The following PDSS1 variants were observed in gnomAD, a reference collection of about 807,000 sequenced individuals.
PDSS1 encodes decaprenyl diphosphate synthase subunit 1.
PDSS1 carries 43 observed loss-of-function variants against 57.5 expected under a neutral mutation model. The observed-to-expected ratio is 0.75, with a 90% CI of 0.59 to 0.96. The LOEUF (loss-of-function observed/expected upper bound fraction) is 0.96. PDSS1 is among the 50% of genes least tolerant of loss of function. The pLI is 0.00. For synonymous variants in PDSS1, 175 were observed against 191.3 expected, an observed-to-expected ratio of 0.91 and a Z score of 0.70; for missense variants, 438 against 527.8, an observed-to-expected ratio of 0.83 and a Z score of 1.67.
chr10:26,724,064 C>T lies in PDSS1; in HGVS notation c.772C>T (p.His258Tyr). ...AGAAAATGAGAATGAAAGATTTGCA[C>T]ACTACCTTGAGAAGACATTCAAGAA... The part of the protein sequence containing the change: ...SKENENERFA[H>Y]YLEKTFKKTA... The change falls in exon 8 of 12, where the codon CAC becomes TAC. Residue 258 changes from histidine to tyrosine, a missense_variant. Around this residue, in one of 2 missense-constraint regions of PDSS1, gnomAD observed 284 missense variants for 390.7 expected, o/e 0.73. Transcript: ENST00000376215. The T allele has an allele frequency of 6.2e-7, 1 of 1,614,082 alleles. No individual in the cohort carries two copies. Among genetic ancestry groups the T allele is most frequent in the East Asian group, 2.2e-5 (1 of 44,870 alleles).
chr10:26,735,491 C>T lies in PDSS1; in HGVS notation c.938C>T (p.Thr313Ile). ...FQLIDDVLDFTSCSDQMGKPT... is the reference protein window; with the variant it reads ...FQLIDDVLDFISCSDQMGKPT... ...CTAATAGATGATGTATTGGACTTCA[C>T]CTCGTGTTCTGACCAGATGGGCAAA... Residue 313 changes from threonine to isoleucine, a missense_variant, in exon 10 of 12, where the codon ACC (threonine) becomes ATC (isoleucine). Physicochemically the swap from Thr to Ile is moderately conservative, Grantham distance 89 (BLOSUM62 -1). Coordinates refer to ENST00000376215, the MANE Select transcript of PDSS1 (RefSeq NM_014317.5). The T allele has an allele frequency of 1.9e-6, 3 of 1,612,956 alleles. No individual in the cohort carries two copies. Among genetic ancestry groups the T allele is most frequent in the Non-Finnish European group, 2.5e-6 (3 of 1,178,922 alleles).
chr10:26,705,197 G>T, intron 3 of PDSS1, 89 bp from the exon 4 acceptor site: 4 of 749,072 alleles, frequency 5.3e-6, no homozygotes, highest in South Asian at 3.0e-5. Flanking sequence ...AAATATTTGG[G>T]CTGAATTTTC....
chr10:26,726,507 G>T (rs961050526), intron 8 of PDSS1, among the ~76,000 whole-genome samples: 15 of 152,180 alleles, frequency 9.9e-5, no homozygotes, highest in African/African-American at 3.6e-4. Flanking sequence ...GCAAAGCCAT[G>T]CGAGCTCCAA....
intron 11 of PDSS1, among the ~76,000 whole-genome samples, chr10:26,745,960 CTTTATTT>C (rs1342864809): frequency 2.0e-5 from 3 of 151,414 alleles, no homozygotes; most frequent in Non-Finnish European, 2.9e-5. Flanking sequence ...TGTCTTTATT[CTTTATTT>C]TTTAAGTAAG....
At chr10:26,741,555 A>G (rs905333304) in intron 10 of PDSS1, among the ~76,000 whole-genome samples, 1 of 152,180 alleles carries the variant, frequency 6.6e-6, no homozygotes, top group African/African-American at 2.4e-5. Flanking sequence ...AGTCAATGTC[A>G]TGCACCGCTG....
At chr10:26,707,124 C>T (rs1482243724) in intron 4 of PDSS1, among the ~76,000 whole-genome samples, 1 of 152,134 alleles carries the variant, frequency 6.6e-6, no homozygotes, top group Non-Finnish European at 1.5e-5. Context: ...CGCAGTGGCC[C>T]GCCAGTGTTG....
At chr10:26,719,743 G>T (rs973262875) in intron 5 of PDSS1, among the ~76,000 whole-genome samples, 1 of 152,160 alleles carries the variant, frequency 6.6e-6, no homozygotes, top group Non-Finnish European at 1.5e-5. Flanking sequence ...TCCAGCCTGG[G>T]TGACAGAGCG....
At chr10:26,706,683 C>T (rs1588671877) in intron 4 of PDSS1, among the ~76,000 whole-genome samples, 1 of 152,324 alleles carries the variant, frequency 6.6e-6, no homozygotes, top group African/African-American at 2.4e-5. Flanking sequence ...TGCCCTCTGC[C>T]TTCCTCCAGT....
intron 10 of PDSS1, chr10:26,740,562 C>G (rs1053464068): frequency 4.2e-5 from 19 of 448,688 alleles, no homozygotes; most frequent in Admixed American, 3.6e-4. Context: ...TTGGCTGCGG[C>G]TTTTCTATGT....
intron 1 of PDSS1, among the ~76,000 whole-genome samples, chr10:26,700,397 A>C (rs1835011081): frequency 6.6e-6 from 1 of 152,066 alleles, no homozygotes; most frequent in African/African-American, 2.4e-5. Context: ...TTAGCTCAGG[A>C]GTTCGAGACC....
intron 2 of PDSS1, among the ~76,000 whole-genome samples, chr10:26,703,678 A>G (rs1835114486): frequency 6.6e-6 from 1 of 152,224 alleles, no homozygotes; most frequent in Non-Finnish European, 1.5e-5. Flanking sequence ...ATTGCCTGGG[A>G]TATCATGAAA....
Position 26,721,423 on chromosome 10 carries a change from T to TACACACACACACAC in PDSS1, c.609+1078_609+1091dup, listed in dbSNP as rs1554795596. 6.1e-3 allele frequency among the ~76,000 whole-genome samples: 908 copies of TACACACACACACAC among 149,348 alleles called. 7 individuals carry two copies. Among genetic ancestry groups the TACACACACACACAC allele is most frequent in the African/African-American group, 0.016 (660 of 40,744 alleles). On this transcript the variant is annotated intron_variant, in intron 6 of 11. Coordinates refer to ENST00000376215, the MANE Select transcript of PDSS1 (RefSeq NM_014317.5). ...CTTATTAAAAGAAGAGATATATGTA[T>TACACACACACACAC]ACACACACACACACACACACACACA...
At chr10:26,713,881 T>G (rs1270742292) in intron 5 of PDSS1, among the ~76,000 whole-genome samples, 1 of 152,032 alleles carries the variant, frequency 6.6e-6, no homozygotes, top group South Asian at 2.1e-4. Context: ...CAAAGAGTCC[T>G]CTCACCTTAG....
intron 5 of PDSS1, chr10:26,717,870 T>C (rs1835645844): frequency 6.6e-6 from 1 of 152,102 alleles, no homozygotes; most frequent in African/African-American, 2.4e-5. Context: ...ACTGTAAAAG[T>C]TTATATCTTT....
At chr10:26,721,336 A>C (rs1295993420) in intron 6 of PDSS1, among the ~76,000 whole-genome samples, 1 of 149,196 alleles carries the variant, frequency 6.7e-6, no homozygotes, top group Non-Finnish European at 1.5e-5. Context: ...CAACTACCCC[A>C]CCCTCACCTC....
At chr10:26,743,230 G>C (rs1320668486) in intron 11 of PDSS1, among the ~76,000 whole-genome samples, 1 of 152,212 alleles carries the variant, frequency 6.6e-6, no homozygotes, top group Non-Finnish European at 1.5e-5. Context: ...CTCTCTGCAT[G>C]ACTTGAGTTT....
intron 5 of PDSS1, among the ~76,000 whole-genome samples, chr10:26,716,198 C>G (rs1835568767): frequency 6.6e-6 from 1 of 151,894 alleles, no homozygotes; most frequent in Non-Finnish European, 1.5e-5. Flanking sequence ...CTCTGCCATT[C>G]CTTAGATTGG....
intron 8 of PDSS1, among the ~76,000 whole-genome samples, chr10:26,732,597 T>G (rs1335333047): frequency 2.0e-5 from 3 of 152,210 alleles, no homozygotes; most frequent in African/African-American, 7.2e-5. Flanking sequence ...GTTGGAGCCA[T>G]GTAATGCCTG....
intron 4 of PDSS1, 25 bp downstream of exon 4, chr10:26,705,419 G>A (rs772317144): frequency 1.9e-6 from 2 of 1,075,134 alleles, no homozygotes; most frequent in Admixed American, 3.5e-5. Context: ...CTGCTGTGAT[G>A]TAATGTTTTA....
Sources: gnomAD v4.1 joint callset for allele counts (sites outside exome capture counted in the v4.1 genomes callset) on GRCh38, gnomAD v4.1.1 for gene constraint, gnomAD v4.1.1 regional missense constraint, MANE v1.5 for transcripts, NCBI Gene and HGNC (gene_info 2026-07-23, HGNC 2026-07-21) for gene names.